Variants in NOC2L observed in about 807,000 individuals in gnomAD.
The protein encoded by NOC2L is nucleolar complex protein 2 homolog.
In NOC2L, 101 loss-of-function variants were observed where a neutral mutation model predicts 94.2. The observed-to-expected ratio is 1.07, with a 90% CI of 0.91 to 1.26. The LOEUF is 1.26. NOC2L is among the 50% of genes most tolerant of loss of function. NOC2L has a pLI of 0.00. For missense variants in NOC2L, 1,076 were observed against 980.1 expected (o/e 1.10, Z -1.31); for synonymous variants, 531 against 413.4 (o/e 1.28, Z -3.45).
Position 944,432 on chromosome 1 carries a change from T to TCTGCTGA in NOC2L, c.*255_*261dup. On this transcript the variant is annotated 3_prime_UTR_variant, in exon 19 of 19. Coordinates refer to ENST00000327044, the MANE Select transcript of NOC2L (RefSeq NM_015658.4). ...CCCCTGGAACTGGGACTGGTCTCGG[T>TCTGCTGA]CTGCTGACGTCAGGGTCAGCTCCCC... 2 of 1,019,486 alleles carry TCTGCTGA rather than the reference T, an allele frequency of 2.0e-6. No individual in the cohort carries two copies. The allele number at this position is 1,019,486 out of a possible 1,614,324, so 63.2% of individuals were successfully genotyped here.
rs966546422 is a variant in NOC2L at position 944,516 on chromosome 1, C to G, written c.*178G>C. On this transcript the variant is annotated 3_prime_UTR_variant, in exon 19 of 19. Coordinates refer to ENST00000327044, the MANE Select transcript of NOC2L (RefSeq NM_015658.4). ...GGCTTCAGCAGCCACACCAGCCCAG[C>G]CCAGCCCAGCTCTCGATACGTTTGG... The G allele has an allele frequency of 8.0e-6, 5 of 626,958 alleles. No homozygotes were observed. The Admixed American group carries it at 1.4e-4, about 17-fold the overall frequency. The allele number at this position is 626,958 out of a possible 1,614,324, so 38.8% of individuals were successfully genotyped here.
Position 948,199 on chromosome 1 carries a change from G to C in NOC2L, c.1591C>G (p.Leu531Val). The C allele has an allele frequency of 6.3e-7, 1 of 1,589,000 alleles. No individual in the cohort carries two copies. The highest frequency in any genetic ancestry group is 8.6e-7 in the Non-Finnish European group (1 of 1,168,118). The change falls in exon 14 of 19, where the codon CTG becomes GTG. Residue 531 changes from leucine to valine, a missense_variant. Around this residue, in one of 3 missense-constraint regions of NOC2L, gnomAD observed 615 missense variants for 577.4 expected, o/e 1.07. Transcript: ENST00000327044. ...GLVEQLYDLT[L>V]EYLHSQAHCI... is the part of the protein sequence containing the mutation. The stretch of plus-strand genomic sequence containing the variant: ...TGTGCCTGGCTGTGCAGGTACTCCA[G>C]GGTGAGGTCGTACAGCTGCTCCACC...
At chr1:946,373 A>C (rs1325628009) in intron 15 of NOC2L, 29 bp downstream of exon 15, 9 of 1,613,148 alleles carry the variant, frequency 5.6e-6, no homozygotes, top group Non-Finnish European at 7.6e-6. Context: ...AGGTGCCCTC[A>C]GGTGGCACTA....
intron 12 of NOC2L, among the ~76,000 whole-genome samples, chr1:950,669 A>G (rs868593701): frequency 1.6e-4 from 25 of 151,966 alleles, no homozygotes; most frequent in Admixed American, 5.2e-4. Flanking sequence ...GCACACACAC[A>G]CAGATTTACA....
chr1:946,291 G>A lies in NOC2L; in HGVS notation c.1804-5C>T. The A allele has an allele frequency of 6.2e-7, 1 of 1,613,060 alleles. No homozygotes were observed. The highest frequency in any genetic ancestry group is 1.3e-5 in the African/African-American group (1 of 75,014). On this transcript the variant is annotated splice_region_variant and splice_polypyrimidine_tract_variant and intron_variant, in intron 15 of 18. Coordinates refer to ENST00000327044, the MANE Select transcript of NOC2L (RefSeq NM_015658.4). Reference sequence around the variant, plus strand: ...GGTCAGCTTCTCCCAGGCTTCCTGGGGGGTTGGGGGAGTTCAGGGTCATGC... The same window carrying A: ...GGTCAGCTTCTCCCAGGCTTCCTGGAGGGTTGGGGGAGTTCAGGGTCATGC...
intron 12 of NOC2L, 79 bp downstream of exon 12, chr1:951,048 C>T: frequency 1.7e-6 from 2 of 1,159,054 alleles, no homozygotes; most frequent in Non-Finnish European, 2.5e-6. Flanking sequence ...CCGGACAACT[C>T]AGCACAGACG....
chr1:946,287 C>T lies in NOC2L; in HGVS notation c.1804-1G>A, dbSNP rs1557615508. 3.1e-6 allele frequency: 5 copies of T among 1,613,146 alleles called. No homozygotes were observed. The highest frequency in any genetic ancestry group is 4.2e-6 in the Non-Finnish European group (5 of 1,179,530). On this transcript the variant is annotated splice_acceptor_variant, in intron 15 of 18. Transcript: ENST00000327044. LOFTEE classifies it high-confidence loss of function. ...CCCGGGTCAGCTTCTCCCAGGCTTC[C>T]TGGGGGGTTGGGGGAGTTCAGGGTC...
At position 951,181 on chromosome 1, in the gene NOC2L, C is replaced by T. The variant is rs759947913; in HGVS notation, c.1389G>A (p.Thr463=). 1.6e-5 allele frequency: 26 copies of T among 1,597,312 alleles called. No individual in the cohort carries two copies. The South Asian group carries it at 2.6e-4, about 16-fold the overall frequency. ...PLRMHCIRAL[T]LLSGSSGAFI... is the part of the protein sequence containing the mutation. ...AGGCCCCCGAGCTCCCCGAGAGCAG[C>T]GTCAGGGCACGGATGCAGTGCATTC... is the stretch of plus-strand genomic sequence containing the variant. Residue 463 remains threonine (T), a synonymous_variant, in exon 12 of 19, where the codon ACG becomes ACA. Coordinates refer to ENST00000327044, the MANE Select transcript of NOC2L (RefSeq NM_015658.4).
rs536170990 is a variant in NOC2L, at chr1:952,459, G to A, written c.1144C>T (p.Arg382Cys). The A allele has an allele frequency of 6.2e-6, 10 of 1,613,850 alleles. No homozygotes were observed. Among genetic ancestry groups the A allele is most frequent in the Admixed American group, 3.3e-5 (2 of 60,030 alleles). The change falls in exon 10 of 19, where the codon CGC becomes TGC. Residue 382 changes from arginine to cysteine, a missense_variant. Around this residue, in one of 3 missense-constraint regions of NOC2L, gnomAD observed 615 missense variants for 577.4 expected, o/e 1.07. Coordinates refer to ENST00000327044, the MANE Select transcript of NOC2L (RefSeq NM_015658.4). ...VAYQHAFLYI[R>C]QLAIHLRNAM... ...TTGCGCAGGTGTATGGCGAGCTGGC[G>A]GATGTAGAGGAAGGCGTGCTGGTAG...
intron 6 of NOC2L, among the ~76,000 whole-genome samples, chr1:955,262 T>C (rs1417157634): frequency 6.6e-6 from 1 of 152,086 alleles, no homozygotes; most frequent in African/African-American, 2.4e-5. Context: ...ACAGTGCCCC[T>C]GTCTCCTGAG....
rs188539051 is a variant in NOC2L, at chr1:957,489, T to G, written c.180-216A>C. On this transcript the variant is annotated intron_variant, in intron 2 of 18. Coordinates refer to ENST00000327044, the MANE Select transcript of NOC2L (RefSeq NM_015658.4). ...CAGGCCCCCCAGCCGCGGTCTTCCC[T>G]GGACTTGCTGTGCCTGCGCCCTGCG... 172 of 569,900 alleles carry G rather than the reference T, an allele frequency of 3.0e-4. 1 individual carries two copies. The Middle Eastern group carries it at 5.1e-3, about 17-fold the overall frequency. 35.3% of individuals were successfully genotyped at this position (569,900 alleles called of 1,614,324 possible). A position where few individuals can be genotyped will look rare whatever the true frequency, so the allele number is the denominator to read the frequency against.
At position 953,987 on chromosome 1, in the gene NOC2L, C is replaced by A. The variant is rs1354945025; in HGVS notation, c.777+17G>T. 4 of 1,603,484 alleles carry A rather than the reference C, an allele frequency of 2.5e-6. No individual in the cohort carries two copies. The Admixed American group carries it at 6.7e-5, about 27-fold the overall frequency. ...AGATACAGCCAGGCCCCCGTGCCCT[C>A]CCCACCAGAATAGCACCTGTATGGC... On this transcript the variant is annotated intron_variant, in intron 7 of 18. Coordinates refer to ENST00000327044, the MANE Select transcript of NOC2L (RefSeq NM_015658.4).
In NOC2L at chr1:956,223, A is replaced by G; in HGVS notation, c.487-8T>C. On this transcript the variant is annotated splice_region_variant and splice_polypyrimidine_tract_variant and intron_variant, in intron 4 of 18. Coordinates refer to ENST00000327044, the MANE Select transcript of NOC2L (RefSeq NM_015658.4). ...CTTTGGAGTGAGGCGTTGCTGAAGG[A>G]GCAAGAGTACCAGGGGCGTCAGGGG... is the stretch of plus-strand genomic sequence containing the variant. 6.2e-7 allele frequency: 1 copy of G among 1,613,026 alleles called. No individual in the cohort carries two copies. Among genetic ancestry groups the G allele is most frequent in the Non-Finnish European group, 8.5e-7 (1 of 1,180,002 alleles).
In NOC2L at chr1:954,850, A is replaced by C. The variant is rs531365239; in HGVS notation, c.699-768T>G. Among the ~76,000 whole-genome samples, 157 of 152,168 alleles carry C rather than the reference A, an allele frequency of 1.0e-3. 1 individual carries two copies. Among genetic ancestry groups the C allele is most frequent in the African/African-American group, 3.7e-3 (153 of 41,524 alleles). Reference sequence around the variant, plus strand: ...AGGAAAAAAAAAAACCAAAAACCAAACAAACAAAACAAAACAAAACAAAAC... The same window carrying C: ...AGGAAAAAAAAAAACCAAAAACCAACCAAACAAAACAAAACAAAACAAAAC... On this transcript the variant is annotated intron_variant, in intron 6 of 18. Transcript: ENST00000327044.
intron 10 of NOC2L, 85 bp from the exon 11 acceptor site, chr1:952,224 T>C (rs1557619940): frequency 1.3e-6 from 2 of 1,515,728 alleles, no homozygotes; most frequent in Non-Finnish European, 9.1e-7. Context: ...ACAGGAATCA[T>C]TTCCTCATCT....
intron 14 of NOC2L, among the ~76,000 whole-genome samples, chr1:947,370 G>A (rs551549640): frequency 1.2e-4 from 18 of 151,818 alleles, no homozygotes; most frequent in African/African-American, 3.4e-4. Context: ...ATGTGTGGCC[G>A]TGTGTGAGTA....
At chr1:958,800 C>T (rs1243296450) in intron 2 of NOC2L, 129 bp downstream of exon 2, 2 of 910,392 alleles carry the variant, frequency 2.2e-6, no homozygotes, top group Non-Finnish European at 3.6e-6. Context: ...GTAAGTTAAG[C>T]TGAAAGGACT....
chr1:958,701 G>A (rs1214151598), intron 2 of NOC2L: 5 of 696,892 alleles, frequency 7.2e-6, no homozygotes, highest in African/African-American at 1.7e-5. Flanking sequence ...AGATCGGGAA[G>A]AGATTTTTGC....
At chr1:952,710 A>G in intron 9 of NOC2L, 110 bp from the exon 10 acceptor site, 1 of 1,102,868 alleles carries the variant, frequency 9.1e-7, no homozygotes. Context: ...CTGGGCCTCG[A>G]GGAAGAGCCG....
Sources: gnomAD v4.1 joint callset for allele counts (sites outside exome capture counted in the v4.1 genomes callset) on GRCh38, gnomAD v4.1.1 for gene constraint, gnomAD v4.1.1 regional missense constraint, MANE v1.5 for transcripts, NCBI Gene and HGNC (gene_info 2026-07-23, HGNC 2026-07-21) for gene names.